DMD: variants seen among roughly 807,000 people sequenced by gnomAD.
The protein encoded by DMD is mutant dystrophin.
A neutral mutation model predicts 330.1 loss-of-function variants in DMD; 63 were observed. The ratio of observed to expected loss-of-function variants is 0.19; its 90% confidence interval spans 0.16 to 0.24. The LOEUF is 0.24. Among genes scored for constraint, DMD ranks in the 10% least tolerant of loss-of-function variants. The probability of loss-of-function intolerance (pLI) is 1.00; values close to 1 mark genes in which losing one functional copy is unlikely to be tolerated. For missense variants in DMD, 3,344 were observed against 2,684.1 expected, an observed-to-expected ratio of 1.25 and a Z score of -5.43; for synonymous variants, 1,223 against 959.8, an observed-to-expected ratio of 1.27 and a Z score of -5.07.
chrX:32,870,980 A>AAAAGAAAAAG (rs1557104334), intron 2 of DMD, among the ~76,000 whole-genome samples: 4 of 37,240 alleles, frequency 1.1e-4, no homozygotes, highest in South Asian at 1.5e-3. Context: ...AAAAAAAAAA[A>AAAAGAAAAAG]AAAAAAAACC....
intron 21 of DMD, among the ~76,000 whole-genome samples, chrX:32,474,530 T>C (rs894565867): frequency 1.8e-5 from 2 of 111,861 alleles, no homozygotes; most frequent in African/African-American, 6.5e-5. Flanking sequence ...ATGTACTTTT[T>C]AAAATTTTTT....
At chrX:31,281,193 C>G (rs1162363934) in intron 62 of DMD, among the ~76,000 whole-genome samples, 1 of 111,934 alleles carries the variant, frequency 8.9e-6, no homozygotes, top group African/African-American at 3.2e-5. Flanking sequence ...TTGTGTTGAT[C>G]TAGATCTATT....
intron 55 of DMD, among the ~76,000 whole-genome samples, chrX:31,611,081 T>TC (rs2148296881): frequency 1.1e-5 from 1 of 94,099 alleles, no homozygotes; most frequent in African/African-American, 4.8e-5. Flanking sequence ...TCTTGCAGAA[T>TC]CATTTTTTTT....
chrX:31,474,714 AAAT>A (rs1394888630), intron 59 of DMD, among the ~76,000 whole-genome samples: 5 of 90,215 alleles, frequency 5.5e-5, no homozygotes, highest in South Asian at 4.9e-4. Flanking sequence ...CGCAAAAAAA[AAAT>A]AAAATAAAAT....
intron 45 of DMD, among the ~76,000 whole-genome samples, chrX:31,967,706 C>T (rs2095364114): frequency 9.0e-6 from 1 of 111,234 alleles, no homozygotes; most frequent in South Asian, 3.8e-4. Flanking sequence ...TACAAAATCC[C>T]ATTTATAAAC....
chrX:31,145,274 T>C (rs759418204), intron 76 of DMD, among the ~76,000 whole-genome samples: 2 of 112,082 alleles, frequency 1.8e-5, no homozygotes, highest in Non-Finnish European at 3.8e-5. Context: ...TTAATTTCCA[T>C]TGAGCTCTCT....
At position 32,529,378 on chromosome X, in the gene DMD, A is replaced by AATTTTT. The variant is rs1569139194; in HGVS notation, c.2169-11248_2169-11247insAAAAAT. On this transcript the variant is annotated intron_variant, in intron 17 of 78. Transcript: ENST00000357033. The stretch of plus-strand genomic sequence containing the variant: ...GCGAATTCCACCTTGGCAAAAATCA[A>AATTTTT]CTTTTTTTTTTTTTTTTTTTTTTTT... Among the ~76,000 whole-genome samples, 32 of 73,060 alleles carry AATTTTT rather than the reference A, an allele frequency of 4.4e-4. 1 individual carries two copies. The highest frequency in any genetic ancestry group is 1.6e-3 in the African/African-American group (29 of 18,448). The allele number at this position is 73,060 out of a possible 115,157, so 63.4% of individuals were successfully genotyped here.
intron 54 of DMD, among the ~76,000 whole-genome samples, chrX:31,643,481 CAT>C (rs1401120580): frequency 9.0e-6 from 1 of 111,488 alleles, no homozygotes; most frequent in Non-Finnish European, 1.9e-5. Context: ...AAACTTGCAA[CAT>C]GTGATGTAGC....
At chrX:32,128,146 A>G (rs1189635345) in intron 44 of DMD, among the ~76,000 whole-genome samples, 1 of 112,532 alleles carries the variant, frequency 8.9e-6, no homozygotes, top group Non-Finnish European at 1.9e-5. Context: ...TAAAACAAGT[A>G]AAATTATATG....
In DMD at chrX:33,291,433, G is replaced by T. The variant is rs1366095773; in HGVS notation, c.7+47826C>A. ...CAATCAGGCAAGAGAAAGAAATAAA[G>T]GGTATTCAAATAGGAAGTCAAATTG... On this transcript the variant is annotated intron_variant, in intron 1 of 17. Transcript: ENST00000288447. Among the ~76,000 whole-genome samples, 3 of 110,983 alleles carry T rather than the reference G, an allele frequency of 2.7e-5. No homozygotes were observed. The East Asian group carries it at 8.5e-4, about 32-fold the overall frequency.
At chrX:32,789,105 G>A (rs2075631942) in intron 7 of DMD, among the ~76,000 whole-genome samples, 1 of 112,197 alleles carries the variant, frequency 8.9e-6, no homozygotes, top group Admixed American at 9.5e-5. Flanking sequence ...TGTCCGTGAA[G>A]CAATAAATAG....
At chrX:32,780,472 G>A (rs906673954) in intron 7 of DMD, among the ~76,000 whole-genome samples, 40 of 111,846 alleles carry the variant, frequency 3.6e-4, no homozygotes, top group Non-Finnish European at 1.3e-4. Flanking sequence ...CAAACCACAG[G>A]TATATGTTTT....
At chrX:31,284,563 C>CTTCTTCTTCTTCTTCTTTCTTCTTCT (rs1569516648) in intron 62 of DMD, among the ~76,000 whole-genome samples, 1 of 52,528 alleles carries the variant, frequency 1.9e-5, no homozygotes, top group African/African-American at 8.3e-5. Flanking sequence ...ACTGTTTCTT[C>CTTCTTCTTCTTCTTCTTTCTTCTTCT]TTCTTCTTCT....
intron 61 of DMD, among the ~76,000 whole-genome samples, chrX:31,341,885 G>GCACACACA (rs1569529194): frequency 7.5e-5 from 5 of 66,908 alleles, no homozygotes; most frequent in African/African-American, 1.9e-4. Flanking sequence ...GCGTGCGTGC[G>GCACACACA]CGCGCGCACA....
At chrX:32,686,749 A>G (rs993377955) in intron 9 of DMD, among the ~76,000 whole-genome samples, 29 of 111,101 alleles carry the variant, frequency 2.6e-4, no homozygotes, top group African/African-American at 9.5e-4. Context: ...TCTGAAAACA[A>G]AATAGATTGT....
chrX:32,578,781 A>G (rs1374622078), intron 13 of DMD, among the ~76,000 whole-genome samples: 2 of 111,399 alleles, frequency 1.8e-5, no homozygotes, highest in Admixed American at 9.6e-5. Flanking sequence ...TATATCCACT[A>G]AGGCGGAAAC....
At chrX:32,466,291 C>G (rs1490369401) in intron 23 of DMD, among the ~76,000 whole-genome samples, 1 of 111,241 alleles carries the variant, frequency 9.0e-6, no homozygotes, top group Non-Finnish European at 1.9e-5. Flanking sequence ...CTCTTTCTTT[C>G]TCGGTATTAG....
chrX:33,004,948 G>C (rs904714620), intron 2 of DMD, among the ~76,000 whole-genome samples: 8 of 111,183 alleles, frequency 7.2e-5, no homozygotes, highest in Non-Finnish European at 1.5e-4. Flanking sequence ...GATTTTGCCT[G>C]TAAATTTTAT....
intron 51 of DMD, among the ~76,000 whole-genome samples, chrX:31,738,641 G>A (rs1383311905): frequency 2.7e-5 from 3 of 111,913 alleles, no homozygotes; most frequent in African/African-American, 9.7e-5. Context: ...TTATTGCAGC[G>A]CTATTCACAA....
Sources: gnomAD v4.1 joint callset for allele counts (sites outside exome capture counted in the v4.1 genomes callset) on GRCh38, gnomAD v4.1.1 for gene constraint, MANE v1.5 for transcripts, NCBI Gene and HGNC (gene_info 2026-07-23, HGNC 2026-07-21) for gene names.